CANT1: variants seen among roughly 807,000 people sequenced by gnomAD.
The protein encoded by CANT1 is calcium activated nucleotidase 1, also known as soluble calcium-activated nucleotidase 1.
CANT1 carries 26 observed loss-of-function variants against 30.0 expected under a neutral mutation model. The observed-to-expected ratio is 0.87, with a 90% CI of 0.64 to 1.20. The LOEUF (loss-of-function observed/expected upper bound fraction) is 1.20. Ranked by LOEUF, CANT1 falls within the 50% of genes most tolerant of loss-of-function variation. The pLI, the probability that CANT1 is intolerant of heterozygous loss-of-function variation, is 0.00. For synonymous variants in CANT1, 246 were observed against 251.8 expected (o/e 0.98, Z 0.22); for missense variants, 518 against 563.0 (o/e 0.92, Z 0.81).
At position 78,993,220 on chromosome 17, in the gene CANT1, A is replaced by G. The variant is rs957028116; in HGVS notation, c.*330T>C. The G allele has an allele frequency of 2.3e-6, 1 of 440,494 alleles. No homozygotes were observed. The allele number at this position is 440,494 out of a possible 1,614,324, so 27.3% of individuals were successfully genotyped here. A position where few individuals can be genotyped will look rare whatever the true frequency, so the allele number is the denominator to read the frequency against. On this transcript the variant is annotated 3_prime_UTR_variant, in exon 5 of 5. Coordinates refer to ENST00000392446, the MANE Select transcript of CANT1 (RefSeq NM_001159773.2). The surrounding 1 kb of genome is among the most constrained non-coding windows in gnomAD (Gnocchi z 4.5). ...GGGCCTGACATATGGTAGGAGCTCTAGGGATATTCACTGAACAAAAGAACA... is the reference window on the plus strand; with the variant it reads ...GGGCCTGACATATGGTAGGAGCTCTGGGGATATTCACTGAACAAAAGAACA...
rs773853043 is a variant in CANT1 at position 78,993,683 on chromosome 17, A to G, written c.1073T>C (p.Ile358Thr). 1.2e-5 allele frequency: 20 copies of G among 1,614,126 alleles called. No individual in the cohort carries two copies. The highest frequency in any genetic ancestry group is 9.9e-5 in the South Asian group (9 of 91,094). The change falls in exon 5 of 5, where the codon ATT becomes ACT. Residue 358 changes from isoleucine (I) to threonine (T), a missense_variant. By Grantham distance (89) the Ile-to-Thr change is moderately conservative (BLOSUM62 -1). This residue lies in a region of CANT1 where 221 missense variants were observed against 211.8 expected (regional missense o/e 1.04). Coordinates refer to ENST00000392446, the MANE Select transcript of CANT1 (RefSeq NM_001159773.2). The surrounding 1 kb of genome is among the most constrained non-coding windows in gnomAD (Gnocchi z 4.5). The stretch of plus-strand genomic sequence containing the variant: ...GTCCTCCTCGGATTTGAGGGCCACA[A>G]TGATCTGGTCGTCGGTGTTGGGGAT... ...KFIPNTDDQIIVALKSEEDSG... is the reference protein window; with the variant it reads ...KFIPNTDDQITVALKSEEDSG...
chr17:79,002,180 A>G lies in CANT1; in HGVS notation c.-146-4217T>C, dbSNP rs772398845. On this transcript the variant is annotated intron_variant, in intron 1 of 4. Coordinates refer to ENST00000392446, the MANE Select transcript of CANT1 (RefSeq NM_001159773.2). The surrounding 1 kb of genome is among the most constrained non-coding windows in gnomAD (Gnocchi z 4.0). The stretch of plus-strand genomic sequence containing the variant: ...TTTTTTGTTAAGCTCATCAGCTATC[A>G]ATGGATTTTATGTGTGGCCCAAGAC... Among the ~76,000 whole-genome samples, 1 of 152,156 alleles carries G rather than the reference A, an allele frequency of 6.6e-6. No homozygotes were observed. Among genetic ancestry groups the G allele is most frequent in the East Asian group, 1.9e-4 (1 of 5,186 alleles).
In CANT1 at chr17:78,997,656, G is replaced by GTGCA; in HGVS notation, c.-22-13_-22-12insTGCA. ...CAGACAGGCGGGACCTGCACAGCCA[G>GTGCA]GGAGGGAGGAGAGGAGTCAGCGCCT... On this transcript the variant is annotated splice_polypyrimidine_tract_variant and intron_variant, in intron 2 of 4. Coordinates refer to ENST00000392446, the MANE Select transcript of CANT1 (RefSeq NM_001159773.2). This position sits in a 1 kb window ranked among gnomAD's most constrained non-coding sequence, Gnocchi z 7.5. The GTGCA allele has an allele frequency of 6.5e-7, 1 of 1,531,584 alleles. No individual in the cohort carries two copies. The highest frequency in any genetic ancestry group is 1.4e-5 in the African/African-American group (1 of 72,372). 94.9% of individuals were successfully genotyped at this position (1,531,584 alleles called of 1,614,324 possible).
chr17:79,009,372 C>T lies in CANT1; in HGVS notation c.-147+292G>A, dbSNP rs1202843237. 6.6e-5 allele frequency among the ~76,000 whole-genome samples: 10 copies of T among 152,170 alleles called. No individual in the cohort carries two copies. The East Asian group carries it at 1.9e-3, about 29-fold the overall frequency. ...AGAGAGGAGGGGTGCCCACACTAAC[C>T]AGAGGGTAATGGTCCCCACGCTAGT... On this transcript the variant is annotated intron_variant, in intron 1 of 4. Transcript: ENST00000392446.
intron 1 of CANT1, among the ~76,000 whole-genome samples, chr17:79,003,365 C>T (rs1017615955): frequency 2.7e-5 from 4 of 150,600 alleles, no homozygotes; most frequent in African/African-American, 9.8e-5. Flanking sequence ...GTATGAGCTA[C>T]CACTGGCTGC....
chr17:79,005,281 G>C (rs1425308091), intron 1 of CANT1: 1 of 151,560 alleles, frequency 6.6e-6, no homozygotes, highest in African/African-American at 2.4e-5. Flanking sequence ...GGAGCGGGGA[G>C]TTAGGGAAAC....
rs551039734 is a variant in CANT1, at chr17:78,997,044, G to A, written c.579C>T (p.Ser193=). Residue 193 remains serine (S), a synonymous_variant, in exon 3 of 5, where the codon AGC becomes AGT. Coordinates refer to ENST00000392446, the MANE Select transcript of CANT1 (RefSeq NM_001159773.2). This position sits in a 1 kb window ranked among gnomAD's most constrained non-coding sequence, Gnocchi z 7.5. ...RTGVVYQIEG[S]KAVPWVILSD... is the part of the protein sequence containing the mutation. ...ACAGAATCACCCAGGGCACGGCTTT[G>A]CTGCCTTCGATCTGGTAGACGACCC... is the stretch of plus-strand genomic sequence containing the variant. 6.2e-7 allele frequency: 1 copy of A among 1,614,234 alleles called. No individual in the cohort carries two copies. Among genetic ancestry groups the A allele is most frequent in the African/African-American group, 1.3e-5 (1 of 75,062 alleles).
intron 1 of CANT1, 56 bp downstream of exon 1, chr17:79,009,608 G>C (rs1037907032): frequency 6.6e-5 from 10 of 152,608 alleles, no homozygotes; most frequent in African/African-American, 2.4e-4. Flanking sequence ...TCCGGGACGG[G>C]GGTCCGGGCC....
At chr17:79,005,115 A>AGGTTAGGGAG in intron 1 of CANT1, among the ~76,000 whole-genome samples, 1 of 14,650 alleles carries the variant, frequency 6.8e-5, no homozygotes, top group African/African-American at 7.5e-4. Context: ...GTTAGGGAGA[A>AGGTTAGGGAG]GGGAGTTAGG....
chr17:78,995,836 T>C lies in CANT1; in HGVS notation c.632-615A>G, dbSNP rs1030794929. ...GCTTTCCCCAAATTTTGCCAGCTTC[T>C]TGCCCCTGAGAGCTGGAGCTGTGCC... On this transcript the variant is annotated intron_variant, in intron 3 of 4. Coordinates refer to ENST00000392446, the MANE Select transcript of CANT1 (RefSeq NM_001159773.2). This position sits in a 1 kb window ranked among gnomAD's most constrained non-coding sequence, Gnocchi z 5.7. 6.6e-6 allele frequency among the ~76,000 whole-genome samples: 1 copy of C among 152,172 alleles called. No homozygotes were observed. Among genetic ancestry groups the C allele is most frequent in the African/African-American group, 2.4e-5 (1 of 41,450 alleles).
chr17:78,997,655 A>G lies in CANT1; in HGVS notation c.-22-11T>C. 6.5e-7 allele frequency: 1 copy of G among 1,530,974 alleles called. No individual in the cohort carries two copies. The highest frequency in any genetic ancestry group is 8.8e-7 in the Non-Finnish European group (1 of 1,139,074). The allele number at this position is 1,530,974 out of a possible 1,614,324, so 94.8% of individuals were successfully genotyped here. The stretch of plus-strand genomic sequence containing the variant: ...ACAGACAGGCGGGACCTGCACAGCC[A>G]GGGAGGGAGGAGAGGAGTCAGCGCC... On this transcript the variant is annotated splice_polypyrimidine_tract_variant and intron_variant, in intron 2 of 4. Coordinates refer to ENST00000392446, the MANE Select transcript of CANT1 (RefSeq NM_001159773.2). The surrounding 1 kb of genome is among the most constrained non-coding windows in gnomAD (Gnocchi z 7.5).
Position 78,997,223 on chromosome 17 carries a change from G to C in CANT1, c.400C>G (p.Leu134Val), listed in dbSNP as rs751663458. 1.2e-6 allele frequency: 2 copies of C among 1,614,222 alleles called. No individual in the cohort carries two copies. Among genetic ancestry groups the C allele is most frequent in the South Asian group, 2.2e-5 (2 of 91,086 alleles). ...TTGTCCCCACTGTCTGACAGGGTCA[G>C]GTAGCCCTTTTTCAGGTAACTGAAC... ...TWFSYLKKGY[L>V]TLSDSGDKVA... Residue 134 changes from leucine (L) to valine (V), a missense_variant, in exon 3 of 5, where the codon CTG (leucine) becomes GTG (valine). Leu to Val is a conservative substitution (Grantham distance 32). Coordinates refer to ENST00000392446, the MANE Select transcript of CANT1 (RefSeq NM_001159773.2). The surrounding 1 kb of genome is among the most constrained non-coding windows in gnomAD (Gnocchi z 7.5).
chr17:79,001,364 G>C lies in CANT1; in HGVS notation c.-146-3401C>G, dbSNP rs1400649476. ...GGTGGGGCTCACACCTGCCACTCAG[G>C]TCAGTCCCCCCAGCCGCCGGGCACC... On this transcript the variant is annotated intron_variant, in intron 1 of 4. Transcript: ENST00000392446. 3.3e-5 allele frequency among the ~76,000 whole-genome samples: 5 copies of C among 152,214 alleles called. No individual in the cohort carries two copies. The East Asian group carries it at 9.7e-4, about 29-fold the overall frequency.
Position 78,997,235 on chromosome 17 carries a change from T to C in CANT1, c.388A>G (p.Lys130Glu), listed in dbSNP as rs988911903. ...TCTGACAGGGTCAGGTAGCCCTTTT[T>C]CAGGTAACTGAACCAGGTGTTTTCC... ...QEENTWFSYL[K>E]KGYLTLSDSG... Residue 130 changes from lysine (K) to glutamate (E), a missense_variant, in exon 3 of 5, where the codon AAA becomes GAA. Around this residue, in one of 3 missense-constraint regions of CANT1, gnomAD observed 249 missense variants for 268.8 expected, o/e 0.93. Coordinates refer to ENST00000392446, the MANE Select transcript of CANT1 (RefSeq NM_001159773.2). This position sits in a 1 kb window ranked among gnomAD's most constrained non-coding sequence, Gnocchi z 7.5. 5 of 1,614,204 alleles carry C rather than the reference T, an allele frequency of 3.1e-6. No individual in the cohort carries two copies. In the East Asian group the frequency reaches 1.1e-4, roughly 36 times the overall value.
rs763351073 is a variant in CANT1 at position 78,993,852 on chromosome 17, C to T, written c.904G>A (p.Ala302Thr). ...LQRWFFLPRR[A>T]SQERYSEKDD... ...TTCTCGCTGTAGCGCTCCTGGCTGGCGCGGCGCGGCAGGAAGAACCAGCGC... is the reference window on the plus strand; with the variant it reads ...TTCTCGCTGTAGCGCTCCTGGCTGGTGCGGCGCGGCAGGAAGAACCAGCGC... The change falls in exon 5 of 5, where the codon GCC (alanine) becomes ACC (threonine). Residue 302 changes from alanine (A) to threonine (T), a missense_variant. Ala to Thr is a moderately conservative substitution (Grantham distance 58). Coordinates refer to ENST00000392446, the MANE Select transcript of CANT1 (RefSeq NM_001159773.2). This position sits in a 1 kb window ranked among gnomAD's most constrained non-coding sequence, Gnocchi z 4.5. 6 of 1,598,596 alleles carry T rather than the reference C, an allele frequency of 3.8e-6. No homozygotes were observed. Among genetic ancestry groups the T allele is most frequent in the South Asian group, 1.1e-5 (1 of 90,502 alleles).
chr17:78,997,052 C>A lies in CANT1; in HGVS notation c.571G>T (p.Glu191Ter), dbSNP rs747167809. ...DDRTGVVYQI[E>*]GSKAVPWVIL... ...ACCCAGGGCACGGCTTTGCTGCCTT[C>A]GATCTGGTAGACGACCCCCGTCCGG... Residue 191 changes from glutamate (E) to a stop codon, truncating the protein, a stop_gained, in exon 3 of 5, where the codon GAA (glutamate) becomes TAA (stop). Transcript: ENST00000392446. LOFTEE classifies it high-confidence loss of function. The surrounding 1 kb of genome is among the most constrained non-coding windows in gnomAD (Gnocchi z 7.5). 1.9e-6 allele frequency: 3 copies of A among 1,614,080 alleles called. No individual in the cohort carries two copies. Among genetic ancestry groups the A allele is most frequent in the African/African-American group, 2.7e-5 (2 of 74,940 alleles).
At chr17:78,994,203 G>C (rs2070945029) in intron 4 of CANT1, among the ~76,000 whole-genome samples, 2 of 152,212 alleles carry the variant, frequency 1.3e-5, no homozygotes, top group African/African-American at 4.8e-5. Flanking sequence ...AGCCTCCTCG[G>C]GGCTGATCCA....
intron 1 of CANT1, among the ~76,000 whole-genome samples, chr17:79,005,711 A>G (rs1359840965): frequency 6.6e-6 from 1 of 152,136 alleles, no homozygotes; most frequent in Non-Finnish European, 1.5e-5. Context: ...CCCAGAGAGC[A>G]GGCAGGCAGG....
At chr17:79,003,122 T>C (rs2071326560) in intron 1 of CANT1, among the ~76,000 whole-genome samples, 1 of 152,154 alleles carries the variant, frequency 6.6e-6, no homozygotes, top group Non-Finnish European at 1.5e-5. Flanking sequence ...GAGGTCACGC[T>C]GATTCCCCAG....
Sources: gnomAD v4.1 joint callset for allele counts (sites outside exome capture counted in the v4.1 genomes callset) on GRCh38, gnomAD v4.1.1 for gene constraint, gnomAD v4.1.1 regional missense constraint, Gnocchi (gnomAD v3.1) non-coding constraint, MANE v1.5 for transcripts, NCBI Gene and HGNC (gene_info 2026-07-23, HGNC 2026-07-21) for gene names.